Variants in RHPN1 observed in about 807,000 individuals in gnomAD.
RHPN1 encodes the protein rhophilin-1.
In RHPN1, 77 loss-of-function variants were observed where a neutral mutation model predicts 74.7. The observed-to-expected ratio is 1.03, with a 90% CI of 0.86 to 1.25. The LOEUF (loss-of-function observed/expected upper bound fraction) is 1.25. RHPN1 is among the 50% of genes most tolerant of loss of function. The pLI is 0.00. For synonymous variants in RHPN1, 444 were observed against 414.5 expected, an observed-to-expected ratio of 1.07 and a Z score of -0.87; for missense variants, 987 against 932.2, an observed-to-expected ratio of 1.06 and a Z score of -0.77.
intron 1 of RHPN1, among the ~76,000 whole-genome samples, chr8:143,372,596 T>C (rs1248118688): frequency 6.6e-6 from 1 of 151,666 alleles, no homozygotes; most frequent in Non-Finnish European, 1.5e-5. Flanking sequence ...TCCCTCCAGC[T>C]GCCTGTGTCC....
At position 143,368,919 on chromosome 8, in the gene RHPN1, G is replaced by C. The variant is rs1326035202; in HGVS notation, c.-69G>C. 1.0e-5 allele frequency: 13 copies of C among 1,305,416 alleles called. No individual in the cohort carries two copies. The highest frequency in any genetic ancestry group is 1.6e-5 in the South Asian group (1 of 63,068). 80.9% of individuals were successfully genotyped at this position (1,305,416 alleles called of 1,614,324 possible). On this transcript the variant is annotated 5_prime_UTR_variant, in exon 1 of 15. Coordinates refer to ENST00000289013, the MANE Select transcript of RHPN1 (RefSeq NM_052924.3). ...CAGGTGGTGCGGGCGGCCCTAGCCCGGCTGCGGAGCGCTGCGCGAGCGGCG... is the reference window on the plus strand; with the variant it reads ...CAGGTGGTGCGGGCGGCCCTAGCCCCGCTGCGGAGCGCTGCGCGAGCGGCG...
intron 1 of RHPN1, among the ~76,000 whole-genome samples, chr8:143,373,837 C>G (rs780654359): frequency 2.6e-5 from 4 of 152,038 alleles, no homozygotes; most frequent in Non-Finnish European, 5.9e-5. Flanking sequence ...CTTGTCACTG[C>G]GATTAAGGAC....
At chr8:143,378,563 T>A (rs962061364) in intron 5 of RHPN1, 133 bp from the exon 6 acceptor site, 1 of 1,275,428 alleles carries the variant, frequency 7.8e-7, no homozygotes, top group Non-Finnish European at 1.1e-6. Context: ...CCTTCGGGAG[T>A]CACGGCTGCC....
At position 143,376,618 on chromosome 8, in the gene RHPN1, G is replaced by A. The variant is rs1818235998; in HGVS notation, c.270G>A (p.Glu90=). 6.3e-7 allele frequency: 1 copy of A among 1,589,180 alleles called. No homozygotes were observed. The highest frequency in any genetic ancestry group is 2.3e-5 in the East Asian group (1 of 43,410). ...NLQLLKEELE[E]LSGGVDPGRH... is the part of the protein sequence containing the mutation. ...AGCTGCTGAAGGAGGAGCTGGAGGA[G>A]CTCAGCGGTGGCGTGGACCCTGGCC... Residue 90 remains glutamate, a synonymous_variant, in exon 3 of 15, where the codon GAG becomes GAA. Transcript: ENST00000289013.
chr8:143,377,283 A>T, intron 3 of RHPN1, 97 bp from the exon 4 acceptor site: 1 of 887,968 alleles, frequency 1.1e-6, no homozygotes, highest in South Asian at 1.5e-5. Flanking sequence ...TGAGGGAGGG[A>T]GGCACCCTGT....
At position 143,382,743 on chromosome 8, in the gene RHPN1, C is replaced by G; in HGVS notation, c.*92C>G. On this transcript the variant is annotated 3_prime_UTR_variant, in exon 15 of 15. Transcript: ENST00000289013. Reference sequence around the variant, plus strand: ...CACCCAGAGGACCTCCGGGCAATGCCTGTCCCGCCTCATGCTGGAGGCTGC... The same window carrying G: ...CACCCAGAGGACCTCCGGGCAATGCGTGTCCCGCCTCATGCTGGAGGCTGC... 3 of 1,102,192 alleles carry G rather than the reference C, an allele frequency of 2.7e-6. No individual in the cohort carries two copies. Among genetic ancestry groups the G allele is most frequent in the East Asian group, 2.6e-5 (1 of 38,838 alleles). 68.3% of individuals were successfully genotyped at this position (1,102,192 alleles called of 1,614,324 possible). A position where few individuals can be genotyped will look rare whatever the true frequency, so the allele number is the denominator to read the frequency against.
At chr8:143,380,920 C>T (rs1008175968) in intron 11 of RHPN1, 137 bp downstream of exon 11, 24 of 791,006 alleles carry the variant, frequency 3.0e-5, no homozygotes, top group Middle Eastern at 3.7e-4. Context: ...TTCCAGGCCA[C>T]GATCACAGGG....
In RHPN1 at chr8:143,382,703, C is replaced by T. The variant is rs902058353; in HGVS notation, c.*52C>T. 48 of 1,475,476 alleles carry T rather than the reference C, an allele frequency of 3.3e-5. No homozygotes were observed. Among genetic ancestry groups the T allele is most frequent in the African/African-American group, 4.2e-5 (3 of 72,170 alleles). 91.4% of individuals were successfully genotyped at this position (1,475,476 alleles called of 1,614,324 possible). ...CCTGGCTCCAGCTGGCAGCAAGCAC[C>T]GAGCATGCCCTCCCCACCCAGAGGA... On this transcript the variant is annotated 3_prime_UTR_variant, in exon 15 of 15. Coordinates refer to ENST00000289013, the MANE Select transcript of RHPN1 (RefSeq NM_052924.3).
At chr8:143,370,126 G>A (rs1207182126) in intron 1 of RHPN1, among the ~76,000 whole-genome samples, 1 of 152,230 alleles carries the variant, frequency 6.6e-6, no homozygotes, top group African/African-American at 2.4e-5. Context: ...GTTGTTTTGG[G>A]TGGAATGTTT....
Position 143,381,635 on chromosome 8 carries a change from C to G in RHPN1, c.1552C>G (p.Arg518Gly). ...WRLVGPVHLTRGEGGFGLTLR... is the reference protein window; with the variant it reads ...WRLVGPVHLTGGEGGFGLTLR... ...GCTGGTGGGGCCCGTCCACCTGACC[C>G]GAGGAGAGGGCGGCTTTGGCCTCAC... is the stretch of plus-strand genomic sequence containing the variant. Residue 518 changes from arginine to glycine, a missense_variant, in exon 13 of 15, where the codon CGA becomes GGA. Transcript: ENST00000289013. The G allele has an allele frequency of 3.7e-6, 6 of 1,610,916 alleles. No homozygotes were observed. Among genetic ancestry groups the G allele is most frequent in the Non-Finnish European group, 5.1e-6 (6 of 1,179,306 alleles).
intron 1 of RHPN1, among the ~76,000 whole-genome samples, chr8:143,371,350 A>G (rs1817809973): frequency 2.0e-5 from 3 of 151,730 alleles, no homozygotes; most frequent in Non-Finnish European, 4.4e-5. Context: ...GGCAGAGGAG[A>G]GGGGTACCTG....
rs2130609940 is a variant in RHPN1 at position 143,381,327 on chromosome 8, G to A, written c.1471G>A (p.Asp491Asn). The part of the protein sequence containing the change: ...MPRLSQGKGP[D>N]IFHRLGPLSV... The stretch of plus-strand genomic sequence containing the variant: ...ACGCCTGTCCCAGGGGAAGGGGCCT[G>A]ACATCTTCCATCGGCTGGTGAGCAC... Residue 491 changes from aspartate to asparagine, a missense_variant, in exon 12 of 15, where the codon GAC (aspartate) becomes AAC (asparagine). By Grantham distance (23) the Asp-to-Asn change is conservative (BLOSUM62 1). Coordinates refer to ENST00000289013, the MANE Select transcript of RHPN1 (RefSeq NM_052924.3). 6.2e-7 allele frequency: 1 copy of A among 1,611,812 alleles called. No homozygotes were observed. The highest frequency in any genetic ancestry group is 8.5e-7 in the Non-Finnish European group (1 of 1,179,306).
Position 143,382,540 on chromosome 8 carries a change from C to T in RHPN1, c.1902C>T (p.Leu634=). The stretch of plus-strand genomic sequence containing the variant: ...CCACGTGGGCCAGTCCCCGGCCCCT[C>T]CTCAACTGGAGCCGAAAGGCCCAGC... The part of the protein sequence containing the change: ...PASTWASPRP[L]LNWSRKAQQG... Residue 634 remains leucine, a synonymous_variant, in exon 15 of 15, where the codon CTC becomes CTT. Transcript: ENST00000289013. The T allele has an allele frequency of 6.2e-7, 1 of 1,611,526 alleles. No homozygotes were observed. Among genetic ancestry groups the T allele is most frequent in the South Asian group, 1.1e-5 (1 of 90,916 alleles).
chr8:143,371,191 G>T (rs187308300), intron 1 of RHPN1, among the ~76,000 whole-genome samples: 1 of 152,286 alleles, frequency 6.6e-6, no homozygotes, highest in East Asian at 1.9e-4. Context: ...GCTGCTTATA[G>T]CCCTGTGTCC....
chr8:143,378,628 C>G, intron 5 of RHPN1, 68 bp from the exon 6 acceptor site: 1 of 1,537,364 alleles, frequency 6.5e-7, no homozygotes, highest in East Asian at 2.4e-5. Flanking sequence ...GCCCATGGGA[C>G]TTCCCAGGGC....
chr8:143,378,692 G>A lies in RHPN1; in HGVS notation c.460-4G>A. 1 of 1,593,164 alleles carries A rather than the reference G, an allele frequency of 6.3e-7. No homozygotes were observed. The highest frequency in any genetic ancestry group is 8.5e-7 in the Non-Finnish European group (1 of 1,171,400). On this transcript the variant is annotated splice_polypyrimidine_tract_variant and splice_region_variant and intron_variant, in intron 5 of 14. Transcript: ENST00000289013. Reference sequence around the variant, plus strand: ...GGTGGGGCCCAGTGGCTCCTGCCCTGCAGGCCATGCGGACCCCCAGCCGGA... The same window carrying A: ...GGTGGGGCCCAGTGGCTCCTGCCCTACAGGCCATGCGGACCCCCAGCCGGA...
intron 2 of RHPN1, among the ~76,000 whole-genome samples, chr8:143,375,906 G>A (rs1207146319): frequency 6.6e-6 from 1 of 152,268 alleles, no homozygotes; most frequent in Non-Finnish European, 1.5e-5. Context: ...TGCCGGGTGT[G>A]CAGCTTGGGA....
intron 1 of RHPN1, among the ~76,000 whole-genome samples, chr8:143,374,664 C>G (rs139918380): frequency 1.3e-3 from 194 of 152,238 alleles, no homozygotes; most frequent in African/African-American, 4.5e-3. Context: ...CACATGGCCA[C>G]GGGGAAGAGT....
chr8:143,382,035 C>T, intron 14 of RHPN1, 67 bp downstream of exon 14: 3 of 1,427,488 alleles, frequency 2.1e-6, no homozygotes, highest in South Asian at 1.4e-5. Context: ...CTGGGCCTGC[C>T]TTGGATGCTT....
Sources: allele counts gnomAD v4.1 joint callset (sites outside exome capture counted in the v4.1 genomes callset), GRCh38; gene constraint gnomAD v4.1.1; transcripts MANE v1.5; gene names NCBI Gene and HGNC (gene_info 2026-07-23, HGNC 2026-07-21).